The following SRC variants were observed in gnomAD, a reference collection of about 807,000 sequenced individuals.
The protein encoded by SRC is SRC proto-oncogene, non-receptor tyrosine kinase, also known as proto-oncogene tyrosine-protein kinase Src.
A neutral mutation model predicts 62.9 loss-of-function variants in SRC; 13 were observed. The ratio of observed to expected loss-of-function variants is 0.21; its 90% CI spans 0.13 to 0.33. The LOEUF is 0.33. Ranked by LOEUF, SRC falls within the 10% of genes least tolerant of loss-of-function variation. The probability of loss-of-function intolerance (pLI) is 1.00; values close to 1 mark genes in which losing one functional copy is unlikely to be tolerated. For missense variants in SRC, 457 were observed against 737.3 expected, an observed-to-expected ratio of 0.62 and a Z score of 4.40; for synonymous variants, 302 against 317.5, an observed-to-expected ratio of 0.95 and a Z score of 0.52.
At chr20:37,379,772 T>C (rs941675397) in intron 2 of SRC, among the ~76,000 whole-genome samples, 3 of 146,042 alleles carry the variant, frequency 2.1e-5, no homozygotes, top group African/African-American at 7.6e-5. Context: ...ATTCGGTGAC[T>C]GTAATCCCAG....
chr20:37,365,803 C>T (rs1341551910), intron 2 of SRC, among the ~76,000 whole-genome samples: 7 of 152,054 alleles, frequency 4.6e-5, no homozygotes, highest in African/African-American at 9.7e-5. Context: ...AGGCTAGTCT[C>T]GAATGCCTGT....
At position 37,402,335 on chromosome 20, in the gene SRC, G is replaced by A; in HGVS notation, c.1117-100G>A. 7 of 1,433,434 alleles carry A rather than the reference G, an allele frequency of 4.9e-6. No homozygotes were observed. The highest frequency in any genetic ancestry group is 1.9e-6 in the Non-Finnish European group (2 of 1,052,408). The allele number at this position is 1,433,434 out of a possible 1,614,324, so 88.8% of individuals were successfully genotyped here. On this transcript the variant is annotated intron_variant, in intron 11 of 13. Coordinates refer to ENST00000373578, the MANE Select transcript of SRC (RefSeq NM_198291.3). This position sits in a 1 kb window ranked among gnomAD's most constrained non-coding sequence, Gnocchi z 6.2. ...CACTTGCCTGAAGAAGTGTGGGGAG[G>A]GTGGGGAAGGGGTGGTTGGCTCTCC...
rs1436992956 is a variant in SRC, at chr20:37,384,452, G to A, written c.250+49G>A. 55 of 1,300,192 alleles carry A rather than the reference G, an allele frequency of 4.2e-5. No individual in the cohort carries two copies. Among genetic ancestry groups the A allele is most frequent in the Non-Finnish European group, 4.3e-5 (44 of 1,031,396 alleles). 80.5% of individuals were successfully genotyped at this position (1,300,192 alleles called of 1,614,324 possible). A position where few individuals can be genotyped will look rare whatever the true frequency, so the allele number is the denominator to read the frequency against. ...TCCTCGCCCACCTGGGGCCACGGCG[G>A]GGAGGCGGCGGGGCTGTGTGCCCGG... On this transcript the variant is annotated intron_variant, in intron 4 of 13. Transcript: ENST00000373578. The surrounding 1 kb of genome is among the most constrained non-coding windows in gnomAD (Gnocchi z 6.7).
intron 2 of SRC, among the ~76,000 whole-genome samples, chr20:37,381,419 G>A (rs998507183): frequency 7.2e-5 from 11 of 152,010 alleles, no homozygotes; most frequent in South Asian, 4.1e-4. Flanking sequence ...CCATTCTCCC[G>A]TCTTTGATTA....
Position 37,404,243 on chromosome 20 carries a change from G to A in SRC, c.*864G>A, listed in dbSNP as rs775318210. 1.3e-5 allele frequency: 3 copies of A among 233,588 alleles called. No homozygotes were observed. The highest frequency in any genetic ancestry group is 2.5e-5 in the Non-Finnish European group (3 of 118,002). The allele number at this position is 233,588 out of a possible 1,614,324, so 14.5% of individuals were successfully genotyped here. On this transcript the variant is annotated 3_prime_UTR_variant, in exon 14 of 14. Coordinates refer to ENST00000373578, the MANE Select transcript of SRC (RefSeq NM_198291.3). ...TTCGAGATGGCAGATTCCCACTGCCGCTGCCCGCTCAGCCCAGCTGTTGGG... is the reference window on the plus strand; with the variant it reads ...TTCGAGATGGCAGATTCCCACTGCCACTGCCCGCTCAGCCCAGCTGTTGGG...
intron 1 of SRC, among the ~76,000 whole-genome samples, chr20:37,356,935 A>G (rs2069890894): frequency 6.6e-6 from 1 of 152,066 alleles, no homozygotes; most frequent in African/African-American, 2.4e-5. Context: ...CATCCGCAAA[A>G]ATGGGGGTCA....
In SRC at chr20:37,404,377, C is replaced by T. The variant is rs1052446303; in HGVS notation, c.*998C>T. On this transcript the variant is annotated 3_prime_UTR_variant, in exon 14 of 14. Transcript: ENST00000373578. ...GTGGGTGATGTTTGACCTTCAGAGC[C>T]AGCCGGCTATGAAAGGGAGCGAGCC... is the stretch of plus-strand genomic sequence containing the variant. 1.7e-5 allele frequency: 4 copies of T among 233,478 alleles called. No individual in the cohort carries two copies. The highest frequency in any genetic ancestry group is 2.5e-5 in the Non-Finnish European group (3 of 118,032). 14.5% of individuals were successfully genotyped at this position (233,478 alleles called of 1,614,324 possible). A position where few individuals can be genotyped will look rare whatever the true frequency, so the allele number is the denominator to read the frequency against.
At chr20:37,388,715 C>G (rs1039424265) in intron 5 of SRC, among the ~76,000 whole-genome samples, 1 of 151,908 alleles carries the variant, frequency 6.6e-6, no homozygotes, top group African/African-American at 2.4e-5. Context: ...CTACTGCACT[C>G]CAGCCTGGGT....
At position 37,386,149 on chromosome 20, in the gene SRC, G is replaced by A; in HGVS notation, c.325G>A (p.Glu109Lys). Residue 109 changes from glutamate (E) to lysine (K), a missense_variant, in exon 5 of 14, where the codon GAG (glutamate) becomes AAG (lysine). Glu to Lys is a moderately conservative substitution (Grantham distance 56). Transcript: ENST00000373578. ...GACAGACCTGTCCTTCAAGAAAGGC[G>A]AGCGGCTCCAGATTGTCAACAACAC... Reference protein sequence around the residue: ...TETDLSFKKGERLQIVNNTEG... With the variant: ...TETDLSFKKGKRLQIVNNTEG... The A allele has an allele frequency of 1.2e-6, 2 of 1,614,224 alleles. No individual in the cohort carries two copies. Among genetic ancestry groups the A allele is most frequent in the Non-Finnish European group, 1.7e-6 (2 of 1,180,044 alleles).
In SRC at chr20:37,402,307, C is replaced by G; in HGVS notation, c.1117-128C>G. On this transcript the variant is annotated intron_variant, in intron 11 of 13. Transcript: ENST00000373578. This position sits in a 1 kb window ranked among gnomAD's most constrained non-coding sequence, Gnocchi z 6.2. The stretch of plus-strand genomic sequence containing the variant: ...GCCAACAGCATTTACTGTGAACTGA[C>G]CTCACTTGCCTGAAGAAGTGTGGGG... 1 of 1,164,156 alleles carries G rather than the reference C, an allele frequency of 8.6e-7. No individual in the cohort carries two copies. Among genetic ancestry groups the G allele is most frequent in the African/African-American group, 1.5e-5 (1 of 64,910 alleles). 72.1% of individuals were successfully genotyped at this position (1,164,156 alleles called of 1,614,324 possible).
Position 37,404,800 on chromosome 20 carries a change from G to A in SRC, c.*1421G>A, listed in dbSNP as rs561043504. The A allele has an allele frequency of 1.4e-3, 316 of 233,590 alleles. 1 individual carries two copies. Among genetic ancestry groups the A allele is most frequent in the Admixed American group, 2.3e-3 (41 of 17,802 alleles). The allele number at this position is 233,590 out of a possible 1,614,324, so 14.5% of individuals were successfully genotyped here. Reference sequence around the variant, plus strand: ...TCTGTTCGGCCTTTGGGTGTGTGGTGGATTCTCCCTGGGCCTCAGTGTGCC... The same window carrying A: ...TCTGTTCGGCCTTTGGGTGTGTGGTAGATTCTCCCTGGGCCTCAGTGTGCC... On this transcript the variant is annotated 3_prime_UTR_variant, in exon 14 of 14. Transcript: ENST00000373578.
chr20:37,357,513 G>A (rs1180950026), intron 1 of SRC, among the ~76,000 whole-genome samples: 1 of 152,196 alleles, frequency 6.6e-6, no homozygotes, highest in East Asian at 1.9e-4. Context: ...AAGCATCCCA[G>A]CTGTTCATTG....
intron 9 of SRC, among the ~76,000 whole-genome samples, chr20:37,399,584 A>T (rs993134173): frequency 1.3e-5 from 2 of 150,252 alleles, no homozygotes; most frequent in African/African-American, 2.5e-5. Context: ...TCACTCTGTC[A>T]CCCAGGCTGG....
rs2070416264 is a variant in SRC at position 37,384,456 on chromosome 20, G to C, written c.250+53G>C. On this transcript the variant is annotated intron_variant, in intron 4 of 13. Transcript: ENST00000373578. This position sits in a 1 kb window ranked among gnomAD's most constrained non-coding sequence, Gnocchi z 6.7. The stretch of plus-strand genomic sequence containing the variant: ...CGCCCACCTGGGGCCACGGCGGGGA[G>C]GCGGCGGGGCTGTGTGCCCGGGGTC... 2 of 1,295,566 alleles carry C rather than the reference G, an allele frequency of 1.5e-6. No homozygotes were observed. The highest frequency in any genetic ancestry group is 1.9e-6 in the Non-Finnish European group (2 of 1,028,506). 80.3% of individuals were successfully genotyped at this position (1,295,566 alleles called of 1,614,324 possible).
In SRC at chr20:37,384,109, GC is replaced by G. The variant is rs1192683831; in HGVS notation, c.-4-40del. ...GAGGGAGGCCGGCCAAGGGGCCCCGGCAGCCCTGCCTGTTCCAGTGTCTTCT... is the reference window on the plus strand; with the variant it reads ...GAGGGAGGCCGGCCAAGGGGCCCCGGAGCCCTGCCTGTTCCAGTGTCTTCT... On this transcript the variant is annotated intron_variant, in intron 3 of 13. Coordinates refer to ENST00000373578, the MANE Select transcript of SRC (RefSeq NM_198291.3). The surrounding 1 kb of genome is among the most constrained non-coding windows in gnomAD (Gnocchi z 6.7). 6.3e-7 allele frequency: 1 copy of G among 1,588,260 alleles called. No individual in the cohort carries two copies. The highest frequency in any genetic ancestry group is 1.4e-5 in the African/African-American group (1 of 73,122).
intron 2 of SRC, among the ~76,000 whole-genome samples, chr20:37,368,526 T>G (rs1460560038): frequency 4.0e-5 from 5 of 126,370 alleles, no homozygotes; most frequent in African/African-American, 1.4e-4. Flanking sequence ...TTCTTTTTTT[T>G]TTTTTTTTTT....
Position 37,396,105 on chromosome 20 carries a change from C to A in SRC, c.554-57C>A. The A allele has an allele frequency of 1.3e-6, 2 of 1,589,370 alleles. No individual in the cohort carries two copies. Among genetic ancestry groups the A allele is most frequent in the East Asian group, 2.2e-5 (1 of 44,724 alleles). On this transcript the variant is annotated intron_variant, in intron 7 of 13. Coordinates refer to ENST00000373578, the MANE Select transcript of SRC (RefSeq NM_198291.3). This position sits in a 1 kb window ranked among gnomAD's most constrained non-coding sequence, Gnocchi z 6.1. ...GGCAGGCACAGAACGGTGTCCAGAG[C>A]AGCGGCCTGCGGGGGGAGAGGGCAT...
In SRC at chr20:37,394,171, C is replaced by T. The variant is rs779235523; in HGVS notation, c.450-3C>T. On this transcript the variant is annotated splice_polypyrimidine_tract_variant and splice_region_variant and intron_variant, in intron 6 of 13. Coordinates refer to ENST00000373578, the MANE Select transcript of SRC (RefSeq NM_198291.3). The stretch of plus-strand genomic sequence containing the variant: ...GCACCATCCTCCGTCCTCCCACCCC[C>T]AGGTGGTATTTTGGCAAGATCACCA... 32 of 1,613,152 alleles carry T rather than the reference C, an allele frequency of 2.0e-5. No homozygotes were observed. The highest frequency in any genetic ancestry group is 2.5e-5 in the Non-Finnish European group (29 of 1,179,410).
At chr20:37,370,844 CT>C (rs2070152111) in intron 2 of SRC, among the ~76,000 whole-genome samples, 1 of 152,146 alleles carries the variant, frequency 6.6e-6, no homozygotes, top group Admixed American at 6.5e-5. Flanking sequence ...ATAATTTCTT[CT>C]TTAAAAATTT....
Sources: gnomAD v4.1 joint callset for allele counts (sites outside exome capture counted in the v4.1 genomes callset) on GRCh38, gnomAD v4.1.1 for gene constraint, Gnocchi (gnomAD v3.1) non-coding constraint, MANE v1.5 for transcripts, NCBI Gene and HGNC (gene_info 2026-07-23, HGNC 2026-07-21) for gene names.